The following WDR44 variants were observed in gnomAD, a reference collection of about 807,000 sequenced individuals.
WDR44 encodes the protein WD repeat-containing protein 44.
WDR44 carries 9 observed loss-of-function variants against 65.7 expected under a neutral mutation model. The ratio of observed to expected loss-of-function variants is 0.14; its 90% confidence interval spans 0.08 to 0.24. The LOEUF is 0.24. WDR44 is among the 10% of genes least tolerant of loss of function. The probability of loss-of-function intolerance (pLI) is 1.00; values close to 1 mark genes in which losing one functional copy is unlikely to be tolerated. For synonymous variants in WDR44, 220 were observed against 235.2 expected (o/e 0.94, Z 0.59); for missense variants, 425 against 670.9 (o/e 0.63, Z 4.05).
intron 1 of WDR44, among the ~76,000 whole-genome samples, chrX:118,358,005 C>G (rs1244862403): frequency 9.0e-6 from 1 of 111,368 alleles, no homozygotes. Flanking sequence ...AACCTCATCT[C>G]TACTAAAGAT....
intron 1 of WDR44, among the ~76,000 whole-genome samples, chrX:118,351,197 A>G (rs2056400093): frequency 8.9e-6 from 1 of 112,423 alleles, no homozygotes; most frequent in Non-Finnish European, 1.9e-5. Context: ...AAGAACAGTG[A>G]TTATTTGTAT....
intron 2 of WDR44, among the ~76,000 whole-genome samples, chrX:118,380,658 A>C (rs1174504313): frequency 1.8e-5 from 2 of 111,981 alleles, no homozygotes; most frequent in Admixed American, 1.9e-4. Flanking sequence ...GGCTTGATAT[A>C]GTTCTGATTG....
chrX:118,354,549 T>G (rs984614880), intron 1 of WDR44, among the ~76,000 whole-genome samples: 165 of 110,548 alleles, frequency 1.5e-3, no homozygotes, highest in African/African-American at 5.3e-3. Context: ...AAAGGGGGAG[T>G]CAGGTTTTTA....
intron 12 of WDR44, among the ~76,000 whole-genome samples, chrX:118,426,368 C>G (rs988744569): frequency 2.7e-5 from 3 of 111,327 alleles, no homozygotes; most frequent in African/African-American, 9.8e-5. Flanking sequence ...GTTCATTATA[C>G]TCTTCTATCT....
At chrX:118,427,073 T>C (rs1474507572) in intron 12 of WDR44, among the ~76,000 whole-genome samples, 1 of 111,466 alleles carries the variant, frequency 9.0e-6, no homozygotes, top group Non-Finnish European at 1.9e-5. Flanking sequence ...GGATACAATA[T>C]TACCACAATT....
chrX:118,358,362 G>A (rs1385900043), intron 1 of WDR44, among the ~76,000 whole-genome samples: 1 of 111,310 alleles, frequency 9.0e-6, no homozygotes, highest in Non-Finnish European at 1.9e-5. Flanking sequence ...AAAAACTTCA[G>A]AATTCATATA....
At chrX:118,416,838 A>G (rs926319923) in intron 12 of WDR44, among the ~76,000 whole-genome samples, 6 of 111,210 alleles carry the variant, frequency 5.4e-5, no homozygotes, top group Admixed American at 1.9e-4. Flanking sequence ...TCTTAGGTCT[A>G]TTAGTAATTG....
intron 18 of WDR44, 79 bp downstream of exon 18, chrX:118,443,766 C>G: frequency 1.7e-5 from 17 of 1,024,676 alleles, no homozygotes; most frequent in Non-Finnish European, 2.2e-5. Context: ...AATTCATGAC[C>G]GGACACAGTG....
chrX:118,387,702 A>G (rs2056783556), intron 3 of WDR44, among the ~76,000 whole-genome samples: 1 of 111,568 alleles, frequency 9.0e-6, no homozygotes, highest in Non-Finnish European at 1.9e-5. Context: ...TGAGGTTACT[A>G]CCAGGAGTTA....
chrX:118,405,514 A>AT lies in WDR44; in HGVS notation c.1381+1075dup, dbSNP rs899310158. Among the ~76,000 whole-genome samples the AT allele has an allele frequency of 7.2e-5, 8 of 110,436 alleles. No individual in the cohort carries two copies. The Admixed American group carries it at 7.8e-4, about 11-fold the overall frequency. ...GCCACCACACCTGGCTAATTTTTGT[A>AT]TTTTTAGTAGGGACAGGGTTTCACC... On this transcript the variant is annotated intron_variant, in intron 9 of 19. Coordinates refer to ENST00000254029, the MANE Select transcript of WDR44 (RefSeq NM_019045.5).
chrX:118,428,913 G>A (rs2057182333), intron 12 of WDR44, among the ~76,000 whole-genome samples: 1 of 111,794 alleles, frequency 8.9e-6, no homozygotes, highest in Admixed American at 9.5e-5. Flanking sequence ...GGACACGGCT[G>A]GAACTGGAAG....
chrX:118,436,697 C>T lies in WDR44; in HGVS notation c.1852-5C>T, dbSNP rs751173505. ...ATAACATAGTCAATGTCATTTTCCCCATAGAACTACTTTCTTCTTTCTTCT... is the reference window on the plus strand; with the variant it reads ...ATAACATAGTCAATGTCATTTTCCCTATAGAACTACTTTCTTCTTTCTTCT... On this transcript the variant is annotated splice_polypyrimidine_tract_variant and splice_region_variant and intron_variant, in intron 13 of 19. Transcript: ENST00000254029. The T allele has an allele frequency of 5.9e-6, 7 of 1,186,356 alleles. No individual in the cohort carries two copies. Among genetic ancestry groups the T allele is most frequent in the Non-Finnish European group, 7.9e-6 (7 of 880,669 alleles).
intron 2 of WDR44, chrX:118,386,443 G>A (rs1160189721): frequency 2.9e-6 from 1 of 347,316 alleles, no homozygotes; most frequent in Admixed American, 3.5e-5. Flanking sequence ...AAATGTATAC[G>A]TAGATATATA....
At chrX:118,379,043 C>G (rs972628622) in intron 2 of WDR44, among the ~76,000 whole-genome samples, 1 of 97,958 alleles carries the variant, frequency 1.0e-5, no homozygotes. Flanking sequence ...GACTCCACCT[C>G]AAAAAAAAAA....
chrX:118,395,854 C>A (rs995940795), intron 6 of WDR44, among the ~76,000 whole-genome samples: 2 of 110,198 alleles, frequency 1.8e-5, no homozygotes. Context: ...AAAACCCTGT[C>A]TCTACTAAAA....
intron 1 of WDR44, among the ~76,000 whole-genome samples, chrX:118,360,993 C>T (rs932350744): frequency 2.7e-5 from 3 of 111,255 alleles, no homozygotes; most frequent in African/African-American, 9.8e-5. Flanking sequence ...GCAGAGCCAA[C>T]CACCTTTTTT....
chrX:118,429,228 TA>T (rs912197004), intron 12 of WDR44, among the ~76,000 whole-genome samples: 11 of 108,656 alleles, frequency 1.0e-4, no homozygotes, highest in African/African-American at 2.7e-4. Context: ...ATTCAAAACA[TA>T]AAAAAAAAGA....
chrX:118,411,522 T>C (rs1041313231), intron 12 of WDR44, among the ~76,000 whole-genome samples: 1 of 111,748 alleles, frequency 8.9e-6, no homozygotes, highest in African/African-American at 3.2e-5. Context: ...GAACCTAAAA[T>C]GTCTACCTGC....
At position 118,392,755 on chromosome X, in the gene WDR44, C is replaced by A. The variant is rs2056830288; in HGVS notation, c.310C>A (p.Leu104Met). 8.3e-7 allele frequency: 1 copy of A among 1,211,714 alleles called. No individual in the cohort carries two copies. Among genetic ancestry groups the A allele is most frequent in the African/African-American group, 1.7e-5 (1 of 57,795 alleles). The change falls in exon 4 of 20, where the codon CTG (leucine) becomes ATG (methionine). Residue 104 changes from leucine to methionine, a missense_variant. This residue lies in a region of WDR44 where 193 missense variants were observed against 209.0 expected (regional missense o/e 0.92). Transcript: ENST00000254029. ...TASPIVARTD[L>M]SNIPGLLAID... ...CAGTCCTATTGTGGCTAGAACAGAT[C>A]TGAGCAATATACCCGGACTGTTAGC...
Sources: gnomAD v4.1 joint callset for allele counts (sites outside exome capture counted in the v4.1 genomes callset) on GRCh38, gnomAD v4.1.1 for gene constraint, gnomAD v4.1.1 regional missense constraint, MANE v1.5 for transcripts, NCBI Gene and HGNC (gene_info 2026-07-23, HGNC 2026-07-21) for gene names.